Variants in PSMB10 observed in about 807,000 individuals in gnomAD.
PSMB10 encodes proteasome subunit beta type-10.
PSMB10 carries 29 observed loss-of-function variants against 29.8 expected under a neutral mutation model. That is an observed-to-expected ratio of 0.97 (90% CI 0.73 to 1.33). The LOEUF (loss-of-function observed/expected upper bound fraction) is 1.33, where lower values mean the gene tolerates loss of function less well. Among genes scored for constraint, PSMB10 ranks in the 40% most tolerant of loss-of-function variants. PSMB10 has a pLI of 0.00. For synonymous variants in PSMB10, 157 were observed against 164.7 expected (o/e 0.95, Z 0.36); for missense variants, 327 against 369.2 (o/e 0.89, Z 0.94).
At position 67,935,945 on chromosome 16, in the gene PSMB10, T is replaced by G. The variant is rs2151318433; in HGVS notation, c.383+18A>C. 2.5e-6 allele frequency: 4 copies of G among 1,602,356 alleles called. No individual in the cohort carries two copies. Among genetic ancestry groups the G allele is most frequent in the Non-Finnish European group, 3.4e-6 (4 of 1,172,042 alleles). Reference sequence around the variant, plus strand: ...CGTAACTACCCCTGCCGGGGTCCTGTTAGCCCTGCCCCCGCACCTGAAGAG... The same window carrying G: ...CGTAACTACCCCTGCCGGGGTCCTGGTAGCCCTGCCCCCGCACCTGAAGAG... On this transcript the variant is annotated intron_variant, in intron 4 of 7. Transcript: ENST00000358514.
Position 67,935,611 on chromosome 16 carries a change from G to A in PSMB10, c.470C>T (p.Ser157Phe), listed in dbSNP as rs201188208. The change falls in exon 5 of 8, where the codon TCC becomes TTC. Residue 157 changes from serine (S) to phenylalanine (F), a missense_variant. By Grantham distance (155) the Ser-to-Phe change is radical. Transcript: ENST00000358514. ...GGCTGTGAAGGGCAGACGGCTGTAG[G>A]AGCCATGGGGATGCACACCGTAGAG... is the stretch of plus-strand genomic sequence containing the variant. ...PQLYGVHPHG[S>F]YSRLPFTALG... 33 of 1,614,104 alleles carry A rather than the reference G, an allele frequency of 2.0e-5. No individual in the cohort carries two copies. The highest frequency in any genetic ancestry group is 2.0e-4 in the Admixed American group (12 of 60,004).
At position 67,934,946 on chromosome 16, in the gene PSMB10, C is replaced by T. The variant is rs2058257178; in HGVS notation, c.561G>A (p.Leu187=). 6.2e-7 allele frequency: 1 copy of T among 1,610,712 alleles called. No individual in the cohort carries two copies. The highest frequency in any genetic ancestry group is 8.5e-7 in the Non-Finnish European group (1 of 1,179,962). ...CCACCAGCAGCCCCTGAGCAGCCTC[C>T]AGCTGCGGTGATGGGTGTGTGAGAC... is the stretch of plus-strand genomic sequence containing the variant. ...LEDRFQPNMT[L]EAAQGLLVEA... is the part of the protein sequence containing the mutation. The change falls in exon 7 of 8, where the codon CTG becomes CTA. Residue 187 remains leucine (L), a splice_region_variant and synonymous_variant. Coordinates refer to ENST00000358514, the MANE Select transcript of PSMB10 (RefSeq NM_002801.4). The surrounding 1 kb of genome is among the most constrained non-coding windows in gnomAD (Gnocchi z 4.3).
intron 3 of PSMB10, 55 bp from the exon 4 acceptor site, chr16:67,936,158 G>A: frequency 1.1e-5 from 17 of 1,609,642 alleles, no homozygotes; most frequent in Non-Finnish European, 1.4e-5. Flanking sequence ...GGGGACCGGA[G>A]TGGGAACGAG....
At position 67,936,779 on chromosome 16, in the gene PSMB10, G is replaced by A. The variant is rs1490734744; in HGVS notation, c.-30C>T. On this transcript the variant is annotated 5_prime_UTR_variant, in exon 1 of 8. Transcript: ENST00000358514. ...GGGCAGGCAGAGGGGATTAGGGGTC[G>A]CGGGCGGATGAGTCGGCCAGACAAG... is the stretch of plus-strand genomic sequence containing the variant. 6.5e-7 allele frequency: 1 copy of A among 1,543,776 alleles called. No individual in the cohort carries two copies. The highest frequency in any genetic ancestry group is 2.4e-5 in the East Asian group (1 of 41,066).
chr16:67,935,711 G>C lies in PSMB10; in HGVS notation c.384-14C>G, dbSNP rs2058260567. 1.2e-6 allele frequency: 2 copies of C among 1,612,094 alleles called. No homozygotes were observed. Among genetic ancestry groups the C allele is most frequent in the Middle Eastern group, 1.9e-4 (1 of 5,352 alleles). ...TGGCCCTGGTACCTGCTCGAGGATG[G>C]GCGGGGTCGGCCACAAGCTGGGGCC... On this transcript the variant is annotated splice_polypyrimidine_tract_variant and intron_variant, in intron 4 of 7. Coordinates refer to ENST00000358514, the MANE Select transcript of PSMB10 (RefSeq NM_002801.4).
At position 67,934,877 on chromosome 16, in the gene PSMB10, G is replaced by GC. The variant is rs2058256784; in HGVS notation, c.629dup (p.Asn211GlnfsTer66). On this transcript the variant is annotated frameshift_variant, in exon 7 of 8. Transcript: ENST00000358514. LOFTEE classifies it high-confidence loss of function. This position sits in a 1 kb window ranked among gnomAD's most constrained non-coding sequence, Gnocchi z 4.3. ...TTGTGATCACACATGCGTCCACATT[G>GC]CCCCCGGAGCCCAGGTCACCCAAGA... 2 of 1,613,734 alleles carry GC rather than the reference G, an allele frequency of 1.2e-6. No homozygotes were observed. Among genetic ancestry groups the GC allele is most frequent in the African/African-American group, 1.3e-5 (1 of 74,920 alleles).
At chr16:67,935,793 G>T in intron 4 of PSMB10, 96 bp from the exon 5 acceptor site, 1 of 1,497,172 alleles carries the variant, frequency 6.7e-7, no homozygotes, top group Non-Finnish European at 9.1e-7. Flanking sequence ...CTTCCTGTGG[G>T]CTGGCGCCCG....
chr16:67,935,279 G>T, intron 6 of PSMB10, 141 bp downstream of exon 6: 2 of 1,019,642 alleles, frequency 2.0e-6, no homozygotes, highest in Non-Finnish European at 2.9e-6. Context: ...GCACTTCTCT[G>T]CCCTTACTCC....
rs2058266609 is a variant in PSMB10 at position 67,936,849 on chromosome 16, C to T, written c.-100G>A. Reference sequence around the variant, plus strand: ...AAAAGTCCTCTGCTAGGCTTCACGTCTGTACTTCCTGCTTTCGCTTTCGCC... The same window carrying T: ...AAAAGTCCTCTGCTAGGCTTCACGTTTGTACTTCCTGCTTTCGCTTTCGCC... On this transcript the variant is annotated 5_prime_UTR_variant, in exon 1 of 8. Transcript: ENST00000358514. 1 of 969,334 alleles carries T rather than the reference C, an allele frequency of 1.0e-6. No individual in the cohort carries two copies. Among genetic ancestry groups the T allele is most frequent in the African/African-American group, 1.7e-5 (1 of 60,382 alleles). 60.0% of individuals were successfully genotyped at this position (969,334 alleles called of 1,614,324 possible).
At chr16:67,935,149 T>C (rs2058257916) in intron 6 of PSMB10, 1 of 735,052 alleles carries the variant, frequency 1.4e-6, no homozygotes, top group African/African-American at 1.8e-5. Context: ...GCTCCAGACG[T>C]TGATATAAGT....
intron 6 of PSMB10, 86 bp downstream of exon 6, chr16:67,935,334 C>A: frequency 6.4e-7 from 1 of 1,553,580 alleles, no homozygotes; most frequent in Non-Finnish European, 8.8e-7. Context: ...CTTAGCCACC[C>A]GCACTGGGCC....
At position 67,936,033 on chromosome 16, in the gene PSMB10, G is replaced by T; in HGVS notation, c.313C>A (p.His105Asn). The T allele has an allele frequency of 6.2e-7, 1 of 1,613,020 alleles. No individual in the cohort carries two copies. Among genetic ancestry groups the T allele is most frequent in the Non-Finnish European group, 8.5e-7 (1 of 1,179,580 alleles). Residue 105 changes from histidine to asparagine, a missense_variant, in exon 4 of 8, where the codon CAC (histidine) becomes AAC (asparagine). Physicochemically the swap from His to Asn is moderately conservative, Grantham distance 68. Coordinates refer to ENST00000358514, the MANE Select transcript of PSMB10 (RefSeq NM_002801.4). Reference sequence around the variant, plus strand: ...GGCTCGCGGCCCGTAGATAACGCGTGTAGCTCCATCTTGGACGCCACCATC... The same window carrying T: ...GGCTCGCGGCCCGTAGATAACGCGTTTAGCTCCATCTTGGACGCCACCATC... The part of the protein sequence containing the change: ...TRMVASKMEL[H>N]ALSTGREPRV...
chr16:67,935,857 C>T (rs971192320), intron 4 of PSMB10, 106 bp downstream of exon 4: 40 of 1,513,236 alleles, frequency 2.6e-5, no homozygotes, highest in Non-Finnish European at 3.3e-5. Context: ...CGGCCTCTTC[C>T]GGTCACCTGG....
intron 3 of PSMB10, 55 bp from the exon 4 acceptor site, chr16:67,936,158 G>T: frequency 6.2e-7 from 1 of 1,609,642 alleles, no homozygotes; most frequent in Middle Eastern, 1.7e-4. Context: ...GGGGACCGGA[G>T]TGGGAACGAG....
In PSMB10 at chr16:67,936,219, T is replaced by G. The variant is rs1407976564; in HGVS notation, c.238A>C (p.Ile80Leu). ...CEKIHFIAPK[I>L]YCCGAGVAAD... ...AACTGGGCTCGGGAGTCTCACTAGA[T>G]TTTGGGGGCGATGAAGTGGATCTTC... Residue 80 changes from isoleucine to leucine, a missense_variant, in exon 3 of 8, where the codon ATC becomes CTC. Ile to Leu is a conservative substitution (Grantham distance 5). Coordinates refer to ENST00000358514, the MANE Select transcript of PSMB10 (RefSeq NM_002801.4). 3 of 1,613,830 alleles carry G rather than the reference T, an allele frequency of 1.9e-6. No homozygotes were observed. Among genetic ancestry groups the G allele is most frequent in the South Asian group, 2.2e-5 (2 of 91,076 alleles).
chr16:67,934,916 G>A lies in PSMB10; in HGVS notation c.591C>T (p.Ala197=), dbSNP rs1303265610. 3 of 1,612,748 alleles carry A rather than the reference G, an allele frequency of 1.9e-6. No homozygotes were observed. The highest frequency in any genetic ancestry group is 1.3e-5 in the African/African-American group (1 of 74,912). The change falls in exon 7 of 8, where the codon GCC becomes GCT. Residue 197 remains alanine, a synonymous_variant. Coordinates refer to ENST00000358514, the MANE Select transcript of PSMB10 (RefSeq NM_002801.4). This position sits in a 1 kb window ranked among gnomAD's most constrained non-coding sequence, Gnocchi z 4.3. Reference sequence around the variant, plus strand: ...GGTCACCCAAGATCCCGGCGGTGACGGCTTCCACCAGCAGCCCCTGAGCAG... The same window carrying A: ...GGTCACCCAAGATCCCGGCGGTGACAGCTTCCACCAGCAGCCCCTGAGCAG... ...LEAAQGLLVE[A]VTAGILGDLG...
rs2058262402 is a variant in PSMB10 at position 67,936,037 on chromosome 16, C to T, written c.309G>A (p.Glu103=). 2 of 1,613,106 alleles carry T rather than the reference C, an allele frequency of 1.2e-6. No homozygotes were observed. The highest frequency in any genetic ancestry group is 1.7e-6 in the Non-Finnish European group (2 of 1,179,598). ...MTTRMVASKM[E]LHALSTGREP... ...CGCGGCCCGTAGATAACGCGTGTAG[C>T]TCCATCTTGGACGCCACCATCCGTG... Residue 103 remains glutamate, a synonymous_variant, in exon 4 of 8, where the codon GAG becomes GAA. Coordinates refer to ENST00000358514, the MANE Select transcript of PSMB10 (RefSeq NM_002801.4).
chr16:67,935,297 C>T, intron 6 of PSMB10, 123 bp downstream of exon 6: 1 of 1,216,238 alleles, frequency 8.2e-7, no homozygotes, highest in Non-Finnish European at 1.2e-6. Context: ...TCCACTCACC[C>T]TTCAGTGGTC....
Position 67,935,456 on chromosome 16 carries a change from C to T in PSMB10, c.522G>A (p.Leu174=), listed in dbSNP as rs909060190. ...TALGSGQDAA[L]AVLEDRFQPN... is the part of the protein sequence containing the mutation. ...GCTGGAACCGGTCTTCTAGCACCGCCAGGGCCGCGTCCTGACCAGAGCCTG... is the reference window on the plus strand; with the variant it reads ...GCTGGAACCGGTCTTCTAGCACCGCTAGGGCCGCGTCCTGACCAGAGCCTG... The change falls in exon 6 of 8, where the codon CTG becomes CTA. Residue 174 remains leucine (L), a synonymous_variant. Transcript: ENST00000358514. 2 of 1,614,042 alleles carry T rather than the reference C, an allele frequency of 1.2e-6. No individual in the cohort carries two copies. Among genetic ancestry groups the T allele is most frequent in the Non-Finnish European group, 1.7e-6 (2 of 1,180,056 alleles).
Sources: gnomAD v4.1 joint callset for allele counts on GRCh38, gnomAD v4.1.1 for gene constraint, Gnocchi (gnomAD v3.1) non-coding constraint, MANE v1.5 for transcripts, NCBI Gene and HGNC (gene_info 2026-07-23, HGNC 2026-07-21) for gene names.